Variants in PLAC1 observed in about 807,000 individuals in gnomAD.
PLAC1 encodes the protein placenta-specific protein 1.
For synonymous variants in PLAC1, 68 were observed against 62.1 expected (o/e 1.09, Z -0.44); for missense variants, 136 against 163.2 (o/e 0.83, Z 0.91).
intron 2 of PLAC1, among the ~76,000 whole-genome samples, chrX:134,694,604 T>G (rs983016598): frequency 2.7e-5 from 3 of 112,147 alleles, no homozygotes; most frequent in African/African-American, 9.7e-5. Context: ...GTCGGAAATA[T>G]TTGAAGCTTG....
At chrX:134,730,182 G>A (rs2078684708) in intron 2 of PLAC1, among the ~76,000 whole-genome samples, 1 of 111,983 alleles carries the variant, frequency 8.9e-6, no homozygotes, top group African/African-American at 3.2e-5. Context: ...AGGACCTGAA[G>A]GCTCCATATG....
chrX:134,631,823 C>T (rs1039081491), intron 1 of PLAC1, among the ~76,000 whole-genome samples: 6 of 112,110 alleles, frequency 5.4e-5, no homozygotes, highest in African/African-American at 1.9e-4. Flanking sequence ...AACGTTGCAG[C>T]TGGCAGACAG....
At chrX:134,632,560 C>T (rs1483900638) in intron 1 of PLAC1, among the ~76,000 whole-genome samples, 1 of 111,791 alleles carries the variant, frequency 8.9e-6, no homozygotes, top group African/African-American at 3.3e-5. Flanking sequence ...CCTGCCTTCT[C>T]TTCCAGATGG....
intron 2 of PLAC1, among the ~76,000 whole-genome samples, chrX:134,586,839 T>TTGTGTGTGTGTATGTGTG (rs1556045718): frequency 5.2e-5 from 4 of 76,653 alleles, no homozygotes; most frequent in African/African-American, 1.9e-4. Context: ...CCCAGCTAAT[T>TTGTGTGTGTGTATGTGTG]TGTGTGTGTG....
At chrX:134,588,620 G>A (rs1377784638) in intron 2 of PLAC1, among the ~76,000 whole-genome samples, 1 of 110,822 alleles carries the variant, frequency 9.0e-6, no homozygotes, top group Non-Finnish European at 1.9e-5. Flanking sequence ...TTGGCCAGGA[G>A]AGAGAGGAGC....
intron 1 of PLAC1, among the ~76,000 whole-genome samples, chrX:134,763,289 T>C (rs1396339309): frequency 1.8e-5 from 2 of 111,861 alleles, no homozygotes; most frequent in African/African-American, 6.5e-5. Context: ...AGACTAAAAA[T>C]TCCTCTTGCC....
At chrX:134,710,182 A>G (rs1297990316) in intron 2 of PLAC1, among the ~76,000 whole-genome samples, 1 of 112,347 alleles carries the variant, frequency 8.9e-6, no homozygotes, top group East Asian at 2.8e-4. Context: ...GAATACCAAC[A>G]GACAACTGGC....
chrX:134,719,410 A>G (rs1303348972), intron 2 of PLAC1, among the ~76,000 whole-genome samples: 1 of 112,358 alleles, frequency 8.9e-6, no homozygotes, highest in Non-Finnish European at 1.9e-5. Context: ...CATTAATGGA[A>G]CAAAAACTAC....
chrX:134,635,725 A>G, intron 1 of PLAC1, among the ~76,000 whole-genome samples: 1 of 111,419 alleles, frequency 9.0e-6, no homozygotes, highest in Non-Finnish European at 1.9e-5. Flanking sequence ...CCTCCTCTGA[A>G]ATGCACTTCC....
At chrX:134,744,240 C>A (rs1411496911) in intron 1 of PLAC1, among the ~76,000 whole-genome samples, 1 of 105,723 alleles carries the variant, frequency 9.5e-6, no homozygotes, top group Admixed American at 1.0e-4. Context: ...TGAGATCATG[C>A]CACTGCACTC....
At chrX:134,722,462 A>T (rs1445893611) in intron 2 of PLAC1, among the ~76,000 whole-genome samples, 1 of 112,274 alleles carries the variant, frequency 8.9e-6, no homozygotes, top group Non-Finnish European at 1.9e-5. Flanking sequence ...CACTTACATG[A>T]AATGACCAGA....
intron 2 of PLAC1, among the ~76,000 whole-genome samples, chrX:134,722,445 A>G: frequency 8.9e-6 from 1 of 112,391 alleles, no homozygotes; most frequent in Non-Finnish European, 1.9e-5. Flanking sequence ...CACATATTAC[A>G]CGATTCCACT....
intron 2 of PLAC1, among the ~76,000 whole-genome samples, chrX:134,568,242 C>T (rs1245468482): frequency 8.9e-6 from 1 of 112,872 alleles, no homozygotes; most frequent in East Asian, 2.8e-4. Context: ...TAAGTAACCC[C>T]TGCACAAATT....
intron 1 of PLAC1, among the ~76,000 whole-genome samples, chrX:134,752,862 G>A (rs2078747878): frequency 9.0e-6 from 1 of 111,318 alleles, no homozygotes; most frequent in African/African-American, 3.3e-5. Context: ...ACAGTGATTT[G>A]TATGAAAAGA....
At chrX:134,576,131 G>A (rs2077937816) in intron 2 of PLAC1, among the ~76,000 whole-genome samples, 1 of 108,177 alleles carries the variant, frequency 9.2e-6, no homozygotes, top group Admixed American at 1.0e-4. Flanking sequence ...ACCTATCTAT[G>A]TATTCTATAT....
chrX:134,630,106 G>A (rs1489903620), intron 1 of PLAC1, among the ~76,000 whole-genome samples: 1 of 108,678 alleles, frequency 9.2e-6, no homozygotes, highest in Non-Finnish European at 1.9e-5. Context: ...TGAGTAGCTG[G>A]GATTACGGGC....
chrX:134,653,992 G>C, intron 1 of PLAC1, among the ~76,000 whole-genome samples: 1 of 111,965 alleles, frequency 8.9e-6, no homozygotes. Flanking sequence ...GCAAGGAGGA[G>C]TCTTATGTCC....
chrX:134,715,825 T>C (rs911098234), intron 2 of PLAC1, among the ~76,000 whole-genome samples: 1 of 112,503 alleles, frequency 8.9e-6, no homozygotes, highest in Non-Finnish European at 1.9e-5. Flanking sequence ...CTGAAGAACT[T>C]TGTGGCTGAG....
chrX:134,640,590 T>A (rs1028938618), intron 1 of PLAC1, among the ~76,000 whole-genome samples: 2 of 111,837 alleles, frequency 1.8e-5, no homozygotes, highest in Non-Finnish European at 3.8e-5. Flanking sequence ...GAGATGCAGT[T>A]TCTGTCTCTG....
Sources: allele counts gnomAD v4.1 joint callset (sites outside exome capture counted in the v4.1 genomes callset), GRCh38; gene constraint gnomAD v4.1.1; transcripts MANE v1.5; gene names NCBI Gene and HGNC (gene_info 2026-07-23, HGNC 2026-07-21).